AGMO: variants seen among roughly 807,000 people sequenced by gnomAD.
AGMO encodes alkylglycerol monooxygenase.
Under a neutral mutation model 60.2 loss-of-function variants are expected in AGMO, and 75 were observed. The observed-to-expected ratio is 1.25, with a 90% CI of 1.03 to 1.51. AGMO has a LOEUF of 1.51. Ranked by LOEUF, AGMO falls within the 40% of genes most tolerant of loss-of-function variation. The pLI, the probability that AGMO is intolerant of heterozygous loss-of-function variation, is 0.00. For missense variants in AGMO, 763 were observed against 525.5 expected, an observed-to-expected ratio of 1.45 and a Z score of -4.42; for synonymous variants, 261 against 177.1, an observed-to-expected ratio of 1.47 and a Z score of -3.76.
intron 10 of AGMO, among the ~76,000 whole-genome samples, chr7:15,373,490 T>C (rs927471611): frequency 6.6e-6 from 1 of 152,098 alleles, no homozygotes; most frequent in African/African-American, 2.4e-5. Context: ...AATCAATGAA[T>C]GTGTGGGAAT....
At chr7:15,183,176 C>T in the AGMO span, among the ~76,000 whole-genome samples, 4 of 151,188 alleles carry the variant, frequency 2.6e-5, no homozygotes, top group Non-Finnish European at 5.9e-5. Context: ...GAAGAGGGGT[C>T]TGCCTTTATA....
At chr7:15,210,110 C>A (rs1015742718) in intron 12 of AGMO, among the ~76,000 whole-genome samples, 1 of 152,018 alleles carries the variant, frequency 6.6e-6, no homozygotes, top group African/African-American at 2.4e-5. Flanking sequence ...TCAAATGATA[C>A]AGAGTATTGG....
At chr7:15,341,040 G>A (rs1284534222) in intron 12 of AGMO, among the ~76,000 whole-genome samples, 2 of 152,144 alleles carry the variant, frequency 1.3e-5, no homozygotes, top group African/African-American at 4.8e-5. Context: ...TCCACCTCTA[G>A]CATCAGAGTA....
chr7:15,161,600 TC>T, the AGMO span, among the ~76,000 whole-genome samples: 59 of 150,100 alleles, frequency 3.9e-4, no homozygotes, highest in Admixed American at 3.2e-3. Flanking sequence ...CATATATGTA[TC>T]CATCTATAAT....
chr7:15,273,967 G>A (rs1783700847), intron 12 of AGMO, among the ~76,000 whole-genome samples: 1 of 152,098 alleles, frequency 6.6e-6, no homozygotes, highest in South Asian at 2.1e-4. Flanking sequence ...TTTGTACATT[G>A]ATTTTGCATC....
In AGMO at chr7:15,220,208, CT is replaced by C. The variant is rs904364065; in HGVS notation, c.1264-18850del. 6.6e-3 allele frequency among the ~76,000 whole-genome samples: 725 copies of C among 109,494 alleles called. 4 individuals carry two copies. The highest frequency in any genetic ancestry group is 0.024 in the African/African-American group (574 of 23,982). 71.8% of individuals were successfully genotyped at this position (109,494 alleles called of 152,430 possible). A position where few individuals can be genotyped will look rare whatever the true frequency, so the allele number is the denominator to read the frequency against. ...ATCTTATGTGTCCACCTGACTGTGC[CT>C]TTTTTTTTTTTTTTTTTTTTTTCCT... is the stretch of plus-strand genomic sequence containing the variant. On this transcript the variant is annotated intron_variant, in intron 12 of 12. Transcript: ENST00000342526.
At chr7:15,457,001 T>C (rs2128507430) in intron 3 of AGMO, among the ~76,000 whole-genome samples, 1 of 152,290 alleles carries the variant, frequency 6.6e-6, no homozygotes, top group Admixed American at 6.5e-5. Flanking sequence ...GCCATATTTA[T>C]TGGAAGCCAG....
intron 12 of AGMO, among the ~76,000 whole-genome samples, chr7:15,304,862 T>A (rs900388273): frequency 3.9e-5 from 6 of 151,990 alleles, no homozygotes; most frequent in African/African-American, 4.8e-5. Flanking sequence ...ATTCTTTCAG[T>A]TACACACAAT....
At chr7:15,148,623 C>T in the AGMO span, among the ~76,000 whole-genome samples, 1 of 152,090 alleles carries the variant, frequency 6.6e-6, no homozygotes, top group African/African-American at 2.4e-5. Flanking sequence ...GCTTAGGATA[C>T]TGACTGCATC....
chr7:15,514,927 G>T (rs968011140), intron 3 of AGMO, among the ~76,000 whole-genome samples: 3 of 152,158 alleles, frequency 2.0e-5, no homozygotes, highest in Non-Finnish European at 4.4e-5. Context: ...ATCTATGTTA[G>T]GATTGAGAGG....
intron 12 of AGMO, among the ~76,000 whole-genome samples, chr7:15,241,110 T>C: frequency 6.6e-6 from 1 of 151,876 alleles, no homozygotes; most frequent in South Asian, 2.1e-4. Context: ...AAAGTGAATA[T>C]CCCAGAGATA....
chr7:15,435,551 C>A (rs1014169805), intron 3 of AGMO, among the ~76,000 whole-genome samples: 5 of 151,994 alleles, frequency 3.3e-5, no homozygotes, highest in African/African-American at 1.2e-4. Flanking sequence ...AAAATTTGTG[C>A]CCATATTTTA....
At chr7:15,483,403 A>C (rs1039781138) in intron 3 of AGMO, among the ~76,000 whole-genome samples, 1 of 118,496 alleles carries the variant, frequency 8.4e-6, no homozygotes, top group African/African-American at 2.5e-5. Flanking sequence ...CGTCTCTACT[A>C]AAAATACAAA....
rs1482722534 is a variant in AGMO, at chr7:15,322,503, TAA to T, written c.1263+43009_1263+43010del. On this transcript the variant is annotated intron_variant, in intron 12 of 12. Coordinates refer to ENST00000342526, the MANE Select transcript of AGMO (RefSeq NM_001004320.2). ...ATATATATAAATATATATAAATATA[TAA>T]ATATATATATAAATATATATAAATA... 2.9e-3 allele frequency among the ~76,000 whole-genome samples: 243 copies of T among 83,540 alleles called. 1 individual carries two copies. Among genetic ancestry groups the T allele is most frequent in the South Asian group, 0.011 (26 of 2,348 alleles). 54.8% of individuals were successfully genotyped at this position (83,540 alleles called of 152,430 possible).
At chr7:15,254,905 T>C (rs908056380) in intron 12 of AGMO, among the ~76,000 whole-genome samples, 1 of 152,018 alleles carries the variant, frequency 6.6e-6, no homozygotes, top group Non-Finnish European at 1.5e-5. Context: ...CCTACCATAA[T>C]TGAATCAAGA....
At chr7:15,530,585 T>C (rs1304490490) in intron 3 of AGMO, among the ~76,000 whole-genome samples, 1 of 113,648 alleles carries the variant, frequency 8.8e-6, no homozygotes, top group Non-Finnish European at 1.8e-5. Flanking sequence ...TATACGTATT[T>C]CTATATATAT....
chr7:15,335,554 C>T (rs906933216), intron 12 of AGMO, among the ~76,000 whole-genome samples: 1 of 152,038 alleles, frequency 6.6e-6, no homozygotes, highest in African/African-American at 2.4e-5. Context: ...GATAGAAATC[C>T]GTCACCTGGA....
intron 12 of AGMO, among the ~76,000 whole-genome samples, chr7:15,293,012 C>T (rs1259893307): frequency 6.6e-6 from 1 of 152,020 alleles, no homozygotes; most frequent in Non-Finnish European, 1.5e-5. Context: ...ATCAGCCCTA[C>T]TTGGCCTCCC....
chr7:15,420,010 T>C (rs1780883696), intron 4 of AGMO, among the ~76,000 whole-genome samples: 1 of 152,118 alleles, frequency 6.6e-6, no homozygotes, highest in African/African-American at 2.4e-5. Context: ...GTCCTCTAAG[T>C]TGAGGAGTGT....
Sources: gnomAD v4.1 joint callset for allele counts (sites outside exome capture counted in the v4.1 genomes callset) on GRCh38, gnomAD v4.1.1 for gene constraint, MANE v1.5 for transcripts, NCBI Gene and HGNC (gene_info 2026-07-23, HGNC 2026-07-21) for gene names.